The following LDHC variants were observed in gnomAD, a reference collection of about 807,000 sequenced individuals.
LDHC encodes L-lactate dehydrogenase C chain.
In LDHC, 20 loss-of-function variants were observed where a neutral mutation model predicts 30.2. The ratio of observed to expected loss-of-function variants is 0.66; its 90% CI spans 0.47 to 0.96. The LOEUF (loss-of-function observed/expected upper bound fraction) is 0.96, where lower values mean the gene tolerates loss of function less well. LDHC is among the 40% of genes least tolerant of loss of function. The pLI, the probability that LDHC is intolerant of heterozygous loss-of-function variation, is 0.00. For missense variants in LDHC, 362 were observed against 394.9 expected (o/e 0.92, Z 0.71); for synonymous variants, 139 against 132.7 (o/e 1.05, Z -0.32).
At position 18,450,999 on chromosome 11, in the gene LDHC, A is replaced by G. The variant is rs1327371373; in HGVS notation, c.871A>G (p.Ile291Val). 1 of 1,595,242 alleles carries G rather than the reference A, an allele frequency of 6.3e-7. No homozygotes were observed. Residue 291 changes from isoleucine to valine, a missense_variant, in exon 8 of 8, where the codon ATC (isoleucine) becomes GTC (valine). Coordinates refer to ENST00000541669, the MANE Select transcript of LDHC (RefSeq NM_017448.5). ...YGIKEELFLS[I>V]PCVLGRNGVS... ...AATAAAAGAAGAACTCTTTCTCAGT[A>G]TCCCTTGTGTCTTGGGGCGGAATGG...
In LDHC at chr11:18,438,612, A is replaced by G. The variant is rs749946913; in HGVS notation, c.677A>G (p.His226Arg). 1.9e-6 allele frequency: 3 copies of G among 1,609,770 alleles called. No individual in the cohort carries two copies. Among genetic ancestry groups the G allele is most frequent in the Admixed American group, 1.7e-5 (1 of 60,018 alleles). ...TTAGGAACGGATTCAGATAAGGAAC[A>G]CTGGAAAAATATCCATAAACAAGTT... ...PKLGTDSDKE[H>R]WKNIHKQVIQ... Residue 226 changes from histidine to arginine, a missense_variant, in exon 6 of 8, where the codon CAC becomes CGC. By Grantham distance (29) the His-to-Arg change is conservative (BLOSUM62 0). Transcript: ENST00000541669.
rs1470891752 is a variant in LDHC at position 18,415,769 on chromosome 11, T to C, written c.244+468T>C. Reference sequence around the variant, plus strand: ...GTGCAGTGGCACAATCTCAGCTCACTGCAACCTCCGCCACCTGGGTTCAAG... The same window carrying C: ...GTGCAGTGGCACAATCTCAGCTCACCGCAACCTCCGCCACCTGGGTTCAAG... On this transcript the variant is annotated intron_variant, in intron 3 of 7. Transcript: ENST00000541669. Among the ~76,000 whole-genome samples, 4 of 152,130 alleles carry C rather than the reference T, an allele frequency of 2.6e-5. No individual in the cohort carries two copies. In the East Asian group the frequency reaches 7.7e-4, roughly 29 times the overall value.
Position 18,434,782 on chromosome 11 carries a change from C to T in LDHC, c.461C>T (p.Pro154Leu). 1 of 1,609,294 alleles carries T rather than the reference C, an allele frequency of 6.2e-7. No individual in the cohort carries two copies. Among genetic ancestry groups the T allele is most frequent in the Non-Finnish European group, 8.5e-7 (1 of 1,175,720 alleles). The change falls in exon 5 of 8, where the codon CCT becomes CTT. Residue 154 changes from proline (P) to leucine (L), a missense_variant. Pro to Leu is a moderately conservative substitution (Grantham distance 98). Coordinates refer to ENST00000541669, the MANE Select transcript of LDHC (RefSeq NM_017448.5). ...ATAGTCTGGAAGATAAGTGGCTTAC[C>T]TGTAACTCGTGTAATTGGAAGTGGT... ...TYIVWKISGL[P>L]VTRVIGSGCN...
chr11:18,437,620 TG>T (rs1848377881), intron 5 of LDHC, among the ~76,000 whole-genome samples: 1 of 151,836 alleles, frequency 6.6e-6, no homozygotes, highest in Non-Finnish European at 1.5e-5. Flanking sequence ...GGCGTGGTGG[TG>T]GGCACCTGTA....
At chr11:18,412,484 G>T in intron 1 of LDHC, 76 bp downstream of exon 1, 1 of 462,320 alleles carries the variant, frequency 2.2e-6, no homozygotes, top group Non-Finnish European at 4.0e-6. Context: ...GTGCTGGGGT[G>T]AAAGTGGTGG....
At position 18,412,730 on chromosome 11, in the gene LDHC, A is replaced by G; in HGVS notation, c.13A>G (p.Lys5Glu). MSTVKEQLIEKLIED... is the reference protein window; with the variant it reads MSTVEEQLIEKLIED... ...TCAGGTTCTCCAAATGTCAACTGTC[A>G]AGGAGCAGCTAATTGAGAAGCTAAT... is the stretch of plus-strand genomic sequence containing the variant. Residue 5 changes from lysine (K) to glutamate (E), a missense_variant, in exon 2 of 8, where the codon AAG becomes GAG. Transcript: ENST00000541669. 1 of 1,613,902 alleles carries G rather than the reference A, an allele frequency of 6.2e-7. No homozygotes were observed.
At chr11:18,440,214 T>C (rs1011381489) in intron 6 of LDHC, among the ~76,000 whole-genome samples, 5 of 150,878 alleles carry the variant, frequency 3.3e-5, no homozygotes, top group Non-Finnish European at 7.4e-5. Flanking sequence ...CTCAGGAGGC[T>C]GCGGCAGGAG....
intron 7 of LDHC, among the ~76,000 whole-genome samples, chr11:18,447,511 G>GA (rs1030323912): frequency 6.6e-6 from 1 of 151,990 alleles, no homozygotes; most frequent in Non-Finnish European, 1.5e-5. Context: ...TTTCATAAGT[G>GA]AAAAAAGTCT....
chr11:18,439,921 G>A (rs1364674577), intron 6 of LDHC, among the ~76,000 whole-genome samples: 1 of 151,624 alleles, frequency 6.6e-6, no homozygotes, highest in Admixed American at 6.6e-5. Flanking sequence ...GAACCTAGGA[G>A]GCAGAGGTTG....
intron 7 of LDHC, among the ~76,000 whole-genome samples, chr11:18,448,645 C>A (rs1468910786): frequency 6.6e-6 from 1 of 152,072 alleles, no homozygotes; most frequent in Admixed American, 6.6e-5. Context: ...TTTGTATATT[C>A]TTATTTTTTC....
At chr11:18,421,898 C>T (rs547908898) in intron 3 of LDHC, among the ~76,000 whole-genome samples, 20 of 152,018 alleles carry the variant, frequency 1.3e-4, no homozygotes, top group Admixed American at 5.2e-4. Context: ...CCAACGCGGG[C>T]GAATCATTTG....
chr11:18,426,110 G>A (rs1848158409), intron 3 of LDHC, among the ~76,000 whole-genome samples: 1 of 151,766 alleles, frequency 6.6e-6, no homozygotes, highest in African/African-American at 2.4e-5. Flanking sequence ...CTAACTCCTG[G>A]GTTCAAGTGA....
At chr11:18,439,859 G>A (rs940677302) in intron 6 of LDHC, among the ~76,000 whole-genome samples, 2 of 143,722 alleles carry the variant, frequency 1.4e-5, no homozygotes, top group African/African-American at 2.5e-5. Context: ...AGCTGTGGTT[G>A]TGCGTGCCTG....
At position 18,451,074 on chromosome 11, in the gene LDHC, T is replaced by C; in HGVS notation, c.946T>C (p.Phe316Leu). The change falls in exon 8 of 8, where the codon TTC (phenylalanine) becomes CTC (leucine). Residue 316 changes from phenylalanine to leucine, a missense_variant. Coordinates refer to ENST00000541669, the MANE Select transcript of LDHC (RefSeq NM_017448.5). ...INLNSEEEAL[F>L]KKSAETLWNI... ...CTTGAATTCTGAGGAGGAGGCCCTT[T>C]TCAAGAAGAGTGCAGAAACACTTTG... 1 of 1,584,484 alleles carries C rather than the reference T, an allele frequency of 6.3e-7. No individual in the cohort carries two copies. The highest frequency in any genetic ancestry group is 1.9e-5 in the Admixed American group (1 of 52,366).
intron 3 of LDHC, among the ~76,000 whole-genome samples, chr11:18,428,166 CTTTTTTTTTT>C (rs35861956): frequency 2.1e-5 from 2 of 94,830 alleles, no homozygotes; most frequent in Non-Finnish European, 3.9e-5. Flanking sequence ...CTTTCTCTCT[CTTTTTTTTTT>C]TTTTTTTTTT....
chr11:18,444,603 G>GATATAT (rs1565057770), intron 6 of LDHC, among the ~76,000 whole-genome samples: 2 of 75,594 alleles, frequency 2.6e-5, no homozygotes, highest in Admixed American at 1.7e-4. Flanking sequence ...GTGTTCAGGT[G>GATATAT]GTATATATAT....
In LDHC at chr11:18,441,584, C is replaced by A. The variant is rs191259586; in HGVS notation, c.710+2939C>A. On this transcript the variant is annotated intron_variant, in intron 6 of 7. Coordinates refer to ENST00000541669, the MANE Select transcript of LDHC (RefSeq NM_017448.5). ...CCTCCCAAAGTGCTGGGATTACAGG[C>A]ATGAGCCACCACACCCGGCCCTTTA... Among the ~76,000 whole-genome samples the A allele has an allele frequency of 3.7e-3, 553 of 148,150 alleles. 8 individuals are homozygous for A. The highest frequency in any genetic ancestry group is 0.013 in the African/African-American group (536 of 40,810).
At chr11:18,436,634 G>C (rs1230429517) in intron 5 of LDHC, among the ~76,000 whole-genome samples, 1 of 151,772 alleles carries the variant, frequency 6.6e-6, no homozygotes, top group African/African-American at 2.4e-5. Flanking sequence ...TTACGGGCAT[G>C]CACCACCACA....
chr11:18,433,331 A>G (rs200934060), intron 4 of LDHC, among the ~76,000 whole-genome samples: 2 of 151,920 alleles, frequency 1.3e-5, no homozygotes, highest in East Asian at 3.9e-4. Context: ...GGTTGCAGTG[A>G]GCTGAGATCA....
Sources: allele counts gnomAD v4.1 joint callset (sites outside exome capture counted in the v4.1 genomes callset), GRCh38; gene constraint gnomAD v4.1.1; transcripts MANE v1.5; gene names NCBI Gene and HGNC (gene_info 2026-07-23, HGNC 2026-07-21).